Variants in EHMT1 observed in about 807,000 individuals in gnomAD.
EHMT1 encodes euchromatic histone lysine methyltransferase 1, also known as histone-lysine N-methyltransferase EHMT1.
EHMT1 carries 15 observed loss-of-function variants against 147.2 expected under a neutral mutation model. The ratio of observed to expected loss-of-function variants is 0.10; its 90% CI spans 0.07 to 0.16. The LOEUF (loss-of-function observed/expected upper bound fraction) is 0.16. EHMT1 is among the 10% of genes least tolerant of loss of function. EHMT1 has a pLI of 1.00. For missense variants in EHMT1, 1,587 were observed against 1,772.4 expected (o/e 0.90, Z 1.88); for synonymous variants, 795 against 709.6 (o/e 1.12, Z -1.91).
chr9:137,828,292 C>T lies in EHMT1; in HGVS notation c.3541-6057C>T, dbSNP rs890280167. 2.0e-5 allele frequency among the ~76,000 whole-genome samples: 3 copies of T among 151,658 alleles called. No homozygotes were observed. Among genetic ancestry groups the T allele is most frequent in the African/African-American group, 7.3e-5 (3 of 41,242 alleles). On this transcript the variant is annotated intron_variant, in intron 25 of 26. Transcript: ENST00000460843. This position sits in a 1 kb window ranked among gnomAD's most constrained non-coding sequence, Gnocchi z 5.3. ...CATTCTTCAGGGTGCATGGAACCCACACCCTGTCCCCAAAGATGCCCTGGA... is the reference window on the plus strand; with the variant it reads ...CATTCTTCAGGGTGCATGGAACCCATACCCTGTCCCCAAAGATGCCCTGGA...
chr9:137,775,091 A>G lies in EHMT1; in HGVS notation c.1648-18A>G, dbSNP rs969081231. On this transcript the variant is annotated intron_variant, in intron 10 of 26. Transcript: ENST00000460843. This position sits in a 1 kb window ranked among gnomAD's most constrained non-coding sequence, Gnocchi z 6.1. ...TCTCGTGACTCTGACATTGACCACC[A>G]GTCTTGTCTGATTGCAGTTGGGCCG... The G allele has an allele frequency of 3.7e-6, 6 of 1,613,868 alleles. No individual in the cohort carries two copies. The African/African-American group carries it at 8.0e-5, about 22-fold the overall frequency.
intron 14 of EHMT1, among the ~76,000 whole-genome samples, chr9:137,781,694 A>G (rs1951569480): frequency 6.6e-6 from 1 of 152,234 alleles, no homozygotes; most frequent in African/African-American, 2.4e-5. Context: ...TCTGACGTTC[A>G]TCGTCTCTGG....
At chr9:137,653,771 G>T (rs1938125666) in intron 1 of EHMT1, among the ~76,000 whole-genome samples, 4 of 152,162 alleles carry the variant, frequency 2.6e-5, no homozygotes, top group Admixed American at 2.6e-4. Flanking sequence ...TGATCCGCCT[G>T]CCTCGGCCTC....
chr9:137,777,880 A>C lies in EHMT1; in HGVS notation c.2019-2A>C. On this transcript the variant is annotated splice_acceptor_variant, in intron 12 of 26. Coordinates refer to ENST00000460843, the MANE Select transcript of EHMT1 (RefSeq NM_024757.5). LOFTEE classifies it high-confidence loss of function. ...ACCTTTCCCCGATTTCCTCCCCTGAAGTGCTGCCGGGCCACCACTCTCGGA... is the reference window on the plus strand; with the variant it reads ...ACCTTTCCCCGATTTCCTCCCCTGACGTGCTGCCGGGCCACCACTCTCGGA... The C allele has an allele frequency of 6.2e-7, 1 of 1,612,746 alleles. No homozygotes were observed. The highest frequency in any genetic ancestry group is 8.5e-7 in the Non-Finnish European group (1 of 1,179,964).
chr9:137,834,610 C>A, intron 26 of EHMT1, 86 bp downstream of exon 26: 1 of 1,598,888 alleles, frequency 6.3e-7, no homozygotes, highest in South Asian at 1.1e-5. Context: ...CTGGGCTTGT[C>A]TCGGGTTTAT....
At chr9:137,820,446 A>G (rs7851392) in intron 25 of EHMT1, among the ~76,000 whole-genome samples, 22,792 of 152,242 alleles carry the variant, frequency 0.15, 5,578 homozygotes, top group African/African-American at 0.51. Flanking sequence ...CCTTCTCTCT[A>G]TGACTTTTTC....
intron 10 of EHMT1, among the ~76,000 whole-genome samples, chr9:137,767,445 AC>A (rs1950289303): frequency 1.3e-5 from 2 of 152,368 alleles, no homozygotes; most frequent in South Asian, 4.1e-4. Flanking sequence ...AATGCTTGGG[AC>A]CAGAAGTGTT....
At chr9:137,677,830 G>A (rs948193041) in intron 1 of EHMT1, among the ~76,000 whole-genome samples, 16 of 151,864 alleles carry the variant, frequency 1.1e-4, no homozygotes, top group Non-Finnish European at 1.5e-4. Flanking sequence ...AGGCGGAGGC[G>A]GGCGGATCAC....
chr9:137,645,083 G>A (rs1844789351), intron 1 of EHMT1, among the ~76,000 whole-genome samples: 1 of 152,154 alleles, frequency 6.6e-6, no homozygotes, highest in African/African-American at 2.4e-5. Flanking sequence ...ATGTTGGCCA[G>A]GCTGCTCTCG....
chr9:137,795,418 CACACACACACTCTCACACTCACAT>C lies in EHMT1; in HGVS notation c.2506-3385_2506-3362del, dbSNP rs1952833862. Among the ~76,000 whole-genome samples, 3 of 17,072 alleles carry C rather than the reference CACACACACACTCTCACACTCACAT, an allele frequency of 1.8e-4. 1 individual carries two copies. The highest frequency in any genetic ancestry group is 5.2e-4 in the African/African-American group (3 of 5,800). 11.2% of individuals were successfully genotyped at this position (17,072 alleles called of 152,430 possible). A position where few individuals can be genotyped will look rare whatever the true frequency, so the allele number is the denominator to read the frequency against. On this transcript the variant is annotated intron_variant, in intron 16 of 26. Transcript: ENST00000460843. The stretch of plus-strand genomic sequence containing the variant: ...CGCAGGGTGCACACACACACACACA[CACACACACACTCTCACACTCACAT>C]ACACACACAGACACACACACATAAA...
At chr9:137,810,192 C>CGG (rs1954323999) in intron 18 of EHMT1, among the ~76,000 whole-genome samples, 1 of 123,930 alleles carries the variant, frequency 8.1e-6, no homozygotes, top group Non-Finnish European at 1.8e-5. Flanking sequence ...GATGCCGCCC[C>CGG]GTGTGGACCG....
At chr9:137,736,019 G>GA (rs1055955347) in intron 4 of EHMT1, among the ~76,000 whole-genome samples, 8 of 151,284 alleles carry the variant, frequency 5.3e-5, no homozygotes, top group Admixed American at 3.9e-4. Flanking sequence ...TGCATCAAGA[G>GA]AAAAAAAACA....
At chr9:137,762,574 C>T in intron 9 of EHMT1, 101 bp from the exon 10 acceptor site, 1 of 1,582,034 alleles carries the variant, frequency 6.3e-7, no homozygotes, top group Non-Finnish European at 8.6e-7. Flanking sequence ...GCTTTCATTT[C>T]CTGGCGTGTG....
intron 18 of EHMT1, among the ~76,000 whole-genome samples, chr9:137,807,343 G>A (rs1029305597): frequency 3.3e-5 from 5 of 152,022 alleles, no homozygotes; most frequent in African/African-American, 1.2e-4. Context: ...GAGCTCATCC[G>A]GTCTGTGTGC....
At chr9:137,679,377 C>T (rs368390873) in intron 1 of EHMT1, among the ~76,000 whole-genome samples, 31 of 152,322 alleles carry the variant, frequency 2.0e-4, no homozygotes, top group African/African-American at 7.2e-4. Flanking sequence ...CAGGTTCAAG[C>T]AGCCTTGCAC....
At chr9:137,699,270 CATT>C (rs1943645111) in intron 1 of EHMT1, among the ~76,000 whole-genome samples, 1 of 152,202 alleles carries the variant, frequency 6.6e-6, no homozygotes, top group Admixed American at 6.5e-5. Context: ...TGTTATGACA[CATT>C]ATATTGGATG....
chr9:137,820,641 C>G (rs1235545237), intron 25 of EHMT1, among the ~76,000 whole-genome samples: 1 of 152,150 alleles, frequency 6.6e-6, no homozygotes, highest in Non-Finnish European at 1.5e-5. Flanking sequence ...GACAGCCGTT[C>G]TGTGTGTGAT....
intron 1 of EHMT1, among the ~76,000 whole-genome samples, chr9:137,626,583 C>T (rs551403489): frequency 2.0e-5 from 3 of 150,780 alleles, no homozygotes; most frequent in South Asian, 4.2e-4. Flanking sequence ...TCCCTGCATT[C>T]GTTCCTCTTT....
intron 1 of EHMT1, among the ~76,000 whole-genome samples, chr9:137,669,808 C>T (rs912638936): frequency 2.0e-5 from 3 of 152,130 alleles, no homozygotes; most frequent in African/African-American, 7.2e-5. Flanking sequence ...CCATCTGGGC[C>T]TCTCAAAGCG....
Sources: allele counts gnomAD v4.1 joint callset (sites outside exome capture counted in the v4.1 genomes callset), GRCh38; gene constraint gnomAD v4.1.1; non-coding constraint Gnocchi (gnomAD v3.1); transcripts MANE v1.5; gene names NCBI Gene and HGNC (gene_info 2026-07-23, HGNC 2026-07-21).